The following COL5A2 variants were observed in gnomAD, a reference collection of about 807,000 sequenced individuals.
COL5A2 encodes collagen type V alpha 2 chain.
Under a neutral mutation model 208.2 loss-of-function variants are expected in COL5A2, and 23 were observed. The observed-to-expected ratio is 0.11, with a 90% CI of 0.08 to 0.16. The LOEUF is 0.16. Ranked by LOEUF, COL5A2 falls within the 10% of genes least tolerant of loss-of-function variation. The pLI, the probability that COL5A2 is intolerant of heterozygous loss-of-function variation, is 1.00. For missense variants in COL5A2, 1,590 were observed against 1,956.4 expected, an observed-to-expected ratio of 0.81 and a Z score of 3.53; for synonymous variants, 625 against 628.5, an observed-to-expected ratio of 0.99 and a Z score of 0.08.
intron 43 of COL5A2, among the ~76,000 whole-genome samples, chr2:189,050,333 T>C (rs1685757774): frequency 6.6e-6 from 1 of 152,234 alleles, no homozygotes; most frequent in South Asian, 2.1e-4. Context: ...CAAAAATCCA[T>C]ATCCTTATTT....
the COL5A2 span, among the ~76,000 whole-genome samples, chr2:189,419,891 G>C: frequency 6.8e-6 from 1 of 147,884 alleles, no homozygotes; most frequent in Admixed American, 6.8e-5. Flanking sequence ...GAGGAGAGGA[G>C]AGGAGAGGAG....
intron 1 of COL5A2, among the ~76,000 whole-genome samples, chr2:189,202,824 T>C (rs1400028755): frequency 1.3e-5 from 2 of 152,134 alleles, no homozygotes; most frequent in Non-Finnish European, 2.9e-5. Context: ...TTATTAACCT[T>C]TTCTAGTTAC....
chr2:189,250,854 T>C, the COL5A2 span, among the ~76,000 whole-genome samples: 2 of 152,184 alleles, frequency 1.3e-5, no homozygotes, highest in African/African-American at 4.8e-5. Flanking sequence ...TCCTTTACCC[T>C]TGATATTTTC....
the COL5A2 span, among the ~76,000 whole-genome samples, chr2:189,394,017 TC>T: frequency 6.6e-6 from 1 of 152,156 alleles, no homozygotes; most frequent in East Asian, 1.9e-4. Flanking sequence ...ACTTTATTCA[TC>T]AGAAGCTAAA....
chr2:189,401,158 G>A, the COL5A2 span, among the ~76,000 whole-genome samples: 1 of 152,078 alleles, frequency 6.6e-6, no homozygotes, highest in African/African-American at 2.4e-5. Flanking sequence ...CCATCACCTA[G>A]ATATTAAGCC....
At chr2:189,040,689 T>C (rs1476467959) in intron 50 of COL5A2, among the ~76,000 whole-genome samples, 1 of 152,184 alleles carries the variant, frequency 6.6e-6, no homozygotes, top group Non-Finnish European at 1.5e-5. Context: ...TAAGGTCATA[T>C]ACTGAGTTCA....
chr2:189,162,762 T>G (rs2105805254), intron 1 of COL5A2, among the ~76,000 whole-genome samples: 1 of 152,270 alleles, frequency 6.6e-6, no homozygotes, highest in African/African-American at 2.4e-5. Flanking sequence ...AGAGGCTTGT[T>G]TTCTGCCCAG....
chr2:189,287,195 T>C, the COL5A2 span, among the ~76,000 whole-genome samples: 2 of 152,062 alleles, frequency 1.3e-5, no homozygotes, highest in Non-Finnish European at 2.9e-5. Context: ...AGTACCAAAT[T>C]GAGAGTTATT....
intron 21 of COL5A2, among the ~76,000 whole-genome samples, chr2:189,067,743 T>C (rs937227404): frequency 6.6e-6 from 1 of 152,160 alleles, no homozygotes. Flanking sequence ...CAATTATTCA[T>C]AAAATTCTAT....
intron 21 of COL5A2, among the ~76,000 whole-genome samples, chr2:189,067,066 T>G (rs1686171451): frequency 6.6e-6 from 1 of 152,186 alleles, no homozygotes; most frequent in South Asian, 2.1e-4. Context: ...TAAATAGAAT[T>G]ATTGAGTTAT....
In COL5A2 at chr2:189,072,088, A is replaced by G; in HGVS notation, c.1110T>C (p.Pro370=). ...GMPGKPGPMG[P]LGIPGSSGFP... Reference sequence around the variant, plus strand: ...AACCAGAAGAGCCTGGTATCCCAAGAGGACCCTATTAAAAGAAACCAGAAA... The same window carrying G: ...AACCAGAAGAGCCTGGTATCCCAAGGGGACCCTATTAAAAGAAACCAGAAA... The change falls in exon 18 of 54, where the codon CCT becomes CCC. Residue 370 remains proline (P), a synonymous_variant. Coordinates refer to ENST00000374866, the MANE Select transcript of COL5A2 (RefSeq NM_000393.5). The G allele has an allele frequency of 6.2e-7, 1 of 1,607,948 alleles. No homozygotes were observed. The highest frequency in any genetic ancestry group is 8.5e-7 in the Non-Finnish European group (1 of 1,175,600).
At chr2:189,054,690 CTTTTTTTTTTTTTT>C (rs58380313) in intron 35 of COL5A2, among the ~76,000 whole-genome samples, 15 of 113,582 alleles carry the variant, frequency 1.3e-4, no homozygotes, top group Admixed American at 9.4e-4. Flanking sequence ...GTGTTTTTTC[CTTTTTTTTTTTTTT>C]TTTTTTTGGC....
chr2:189,165,889 T>C (rs1688453897), intron 1 of COL5A2, among the ~76,000 whole-genome samples: 2 of 152,230 alleles, frequency 1.3e-5, no homozygotes, highest in South Asian at 4.1e-4. Flanking sequence ...CCTGTAGGCC[T>C]AGTTGACGGA....
the COL5A2 span, among the ~76,000 whole-genome samples, chr2:189,282,683 A>G: frequency 1.3e-5 from 2 of 152,190 alleles, no homozygotes; most frequent in African/African-American, 4.8e-5. Flanking sequence ...TCATTTTAGC[A>G]TACCATTTTA....
the COL5A2 span, among the ~76,000 whole-genome samples, chr2:189,265,918 C>T: frequency 6.6e-6 from 1 of 152,040 alleles, no homozygotes; most frequent in Non-Finnish European, 1.5e-5. Context: ...TGGCATTTCC[C>T]CAAATAGTTA....
In COL5A2 at chr2:189,179,697, C is replaced by G. The variant is rs1688748330; in HGVS notation, c.-93G>C. On this transcript the variant is annotated 5_prime_UTR_variant, in exon 1 of 54. Transcript: ENST00000374866. Reference sequence around the variant, plus strand: ...TGAAGTCAGCTGTGGGCTCTTCTTTCAGCACCAGCCCCAGGGCAGCCTCTG... The same window carrying G: ...TGAAGTCAGCTGTGGGCTCTTCTTTGAGCACCAGCCCCAGGGCAGCCTCTG... 6.5e-7 allele frequency: 1 copy of G among 1,542,802 alleles called. No homozygotes were observed. The highest frequency in any genetic ancestry group is 8.7e-7 in the Non-Finnish European group (1 of 1,146,856).
At chr2:189,182,205 C>T (rs998097222), upstream of COL5A2, among the ~76,000 whole-genome samples, 1 of 152,154 alleles carries the variant, frequency 6.6e-6, no homozygotes, top group Non-Finnish European at 1.5e-5. Context: ...GATTATAGAC[C>T]TCACTGCTGC....
chr2:189,060,763 C>T lies in COL5A2; in HGVS notation c.2052G>A (p.Gly684=), dbSNP rs759061045. 1.9e-6 allele frequency: 3 copies of T among 1,613,416 alleles called. No individual in the cohort carries two copies. In the South Asian group the frequency reaches 3.3e-5, roughly 18 times the overall value. The change falls in exon 31 of 54, where the codon GGG becomes GGA. Residue 684 remains glycine (G), a synonymous_variant. Transcript: ENST00000374866. ...CTGGTTTTCCACCTTCTCCAGGAGG[C>T]CCTGGAGGACCAGGAAGCCCCTAAA... ...TGFQGLPGPP[G]PPGEGGKPGD...
intron 1 of COL5A2, among the ~76,000 whole-genome samples, chr2:189,156,049 C>A (rs1688240481): frequency 6.6e-6 from 1 of 152,090 alleles, no homozygotes; most frequent in Non-Finnish European, 1.5e-5. Flanking sequence ...TAGAAGGATG[C>A]TGGAGATTAC....
Sources: gnomAD v4.1 joint callset for allele counts (sites outside exome capture counted in the v4.1 genomes callset) on GRCh38, gnomAD v4.1.1 for gene constraint, MANE v1.5 for transcripts, NCBI Gene and HGNC (gene_info 2026-07-23, HGNC 2026-07-21) for gene names.